Variants in NTAQ1 observed in about 807,000 individuals in gnomAD.
NTAQ1 encodes the protein protein N-terminal glutamine amidohydrolase.
Under a neutral mutation model 28.2 loss-of-function variants are expected in NTAQ1, and 21 were observed. The observed-to-expected ratio is 0.74, with a 90% CI of 0.53 to 1.07. The LOEUF (loss-of-function observed/expected upper bound fraction) is 1.07, where lower values mean the gene tolerates loss of function less well. Ranked by LOEUF, NTAQ1 falls within the 50% of genes least tolerant of loss-of-function variation. The pLI is 0.00. For synonymous variants in NTAQ1, 105 were observed against 90.0 expected (o/e 1.17, Z -0.94); for missense variants, 264 against 256.6 (o/e 1.03, Z -0.20).
intron 1 of NTAQ1, among the ~76,000 whole-genome samples, chr8:123,417,722 CA>C (rs1391947687): frequency 6.6e-6 from 1 of 152,092 alleles, no homozygotes; most frequent in Non-Finnish European, 1.5e-5. Context: ...GTCACTAAAC[CA>C]ATGCCACCAA....
At chr8:123,445,129 A>G (rs1815221371), downstream of NTAQ1, among the ~76,000 whole-genome samples, 1 of 152,190 alleles carries the variant, frequency 6.6e-6, no homozygotes, top group Non-Finnish European at 1.5e-5. Flanking sequence ...GGTGAAAAGT[A>G]AACTTCCCTC....
At chr8:123,429,442 G>A (rs1814261170) in intron 2 of NTAQ1, among the ~76,000 whole-genome samples, 2 of 152,306 alleles carry the variant, frequency 1.3e-5, no homozygotes, top group East Asian at 1.9e-4. Flanking sequence ...AGTGACACGT[G>A]CCTGTAGTCC....
intron 3 of NTAQ1, 136 bp downstream of exon 3, chr8:123,430,169 G>T: frequency 1.9e-6 from 1 of 528,386 alleles, no homozygotes; most frequent in East Asian, 3.2e-5. Flanking sequence ...GACCTTTTGA[G>T]AATAGATGTT....
chr8:123,441,264 T>C, intron 5 of NTAQ1, 42 bp from the exon 6 acceptor site: 1 of 1,532,228 alleles, frequency 6.5e-7, no homozygotes, highest in African/African-American at 1.4e-5. Flanking sequence ...TAAACCAAAA[T>C]TGTGTTTTCA....
chr8:123,463,229 T>G (rs1815880792), intron 6 of NTAQ1, among the ~76,000 whole-genome samples: 1 of 152,222 alleles, frequency 6.6e-6, no homozygotes, highest in South Asian at 2.1e-4. Context: ...TTTATGATGA[T>G]ATTATTATCA....
In NTAQ1 at chr8:123,437,289, A is replaced by C. The variant is rs1250109286; in HGVS notation, c.463A>C (p.Asn155His). The change falls in exon 5 of 6, where the codon AAT becomes CAT. Residue 155 changes from asparagine to histidine, a missense_variant. Physicochemically the swap from Asn to His is moderately conservative, Grantham distance 68 (BLOSUM62 1). Coordinates refer to ENST00000287387, the MANE Select transcript of NTAQ1 (RefSeq NM_018024.3). ...DRSHMKDSSGNWREPPPPYPC... is the reference protein window; with the variant it reads ...DRSHMKDSSGHWREPPPPYPC... ...ATCTCACATGAAAGACTCCAGTGGG[A>C]ATTGGAGAGAGCCTCCGCCGCCATA... The C allele has an allele frequency of 6.2e-7, 1 of 1,614,102 alleles. No homozygotes were observed. The highest frequency in any genetic ancestry group is 1.1e-5 in the South Asian group (1 of 91,070).
intron 6 of NTAQ1, among the ~76,000 whole-genome samples, chr8:123,460,790 T>A (rs1815799946): frequency 6.6e-6 from 1 of 151,998 alleles, no homozygotes; most frequent in South Asian, 2.1e-4. Context: ...GAGGGAAGAA[T>A]GGACTTGGTA....
chr8:123,424,522 G>A lies in NTAQ1; in HGVS notation c.84-3402G>A, dbSNP rs910777956. 3.0e-4 allele frequency among the ~76,000 whole-genome samples: 45 copies of A among 152,244 alleles called. No homozygotes were observed. The East Asian group carries it at 4.5e-3, about 15-fold the overall frequency. The stretch of plus-strand genomic sequence containing the variant: ...CTCCCAGAGTGCTGGGATTACAGGC[G>A]TGAGCTGCTGCGCCTGGCCATTAAT... On this transcript the variant is annotated intron_variant, in intron 1 of 5. Coordinates refer to ENST00000287387, the MANE Select transcript of NTAQ1 (RefSeq NM_018024.3).
At chr8:123,455,751 C>T (rs1238220079) in intron 6 of NTAQ1, among the ~76,000 whole-genome samples, 1 of 152,134 alleles carries the variant, frequency 6.6e-6, no homozygotes, top group Non-Finnish European at 1.5e-5. Context: ...TAGCCAGACT[C>T]ACTCCCACTT....
chr8:123,464,292 T>C (rs1002734590), intron 6 of NTAQ1, among the ~76,000 whole-genome samples: 6 of 152,150 alleles, frequency 3.9e-5, no homozygotes, highest in Non-Finnish European at 8.8e-5. Flanking sequence ...GTGATCACGG[T>C]AACTCCCTTC....
chr8:123,418,971 C>T (rs1161031658), intron 1 of NTAQ1, among the ~76,000 whole-genome samples: 1 of 152,086 alleles, frequency 6.6e-6, no homozygotes, highest in Non-Finnish European at 1.5e-5. Context: ...TGCTAAGTGT[C>T]CTGTAGGGGT....
chr8:123,429,587 A>G (rs1025768011), intron 2 of NTAQ1, among the ~76,000 whole-genome samples: 28 of 152,146 alleles, frequency 1.8e-4, no homozygotes, highest in Admixed American at 1.2e-3. Context: ...TGTCTTGGCC[A>G]GGTGCGGTGG....
At chr8:123,463,697 G>A (rs368511500) in intron 6 of NTAQ1, among the ~76,000 whole-genome samples, 128 of 152,260 alleles carry the variant, frequency 8.4e-4, no homozygotes, top group African/African-American at 2.9e-3. Context: ...AGTTTATTGG[G>A]GGAGTGTTTG....
intron 6 of NTAQ1, chr8:123,466,949 T>C (rs1414427425): frequency 6.6e-6 from 1 of 152,182 alleles, no homozygotes. Context: ...TTTTTAATAG[T>C]ATAATTTTCC....
downstream of NTAQ1, among the ~76,000 whole-genome samples, chr8:123,473,344 G>A (rs533116027): frequency 6.1e-5 from 9 of 146,430 alleles, no homozygotes; most frequent in Admixed American, 4.1e-4. Flanking sequence ...TGCTTAGGCT[G>A]GAGTGCAGTG....
chr8:123,423,531 C>T (rs781495651), intron 1 of NTAQ1, among the ~76,000 whole-genome samples: 3 of 152,004 alleles, frequency 2.0e-5, no homozygotes, highest in South Asian at 4.2e-4. Context: ...CCACCTCAGC[C>T]GAGGCATTGG....
chr8:123,469,864 C>G (rs1200729394), exon 7 of NTAQ1, among the ~76,000 whole-genome samples: 1 of 152,238 alleles, frequency 6.6e-6, no homozygotes, highest in African/African-American at 2.4e-5. Context: ...GAAGCATCAA[C>G]AAACATGTAT....
chr8:123,462,281 C>CT (rs1815844842), intron 6 of NTAQ1, among the ~76,000 whole-genome samples: 1 of 152,148 alleles, frequency 6.6e-6, no homozygotes, highest in South Asian at 2.1e-4. Context: ...CTCCTGACCT[C>CT]TTGTGATCTG....
chr8:123,441,525 C>T lies in NTAQ1; in HGVS notation c.*110C>T. 1.2e-6 allele frequency: 1 copy of T among 842,518 alleles called. No individual in the cohort carries two copies. 52.2% of individuals were successfully genotyped at this position (842,518 alleles called of 1,614,324 possible). On this transcript the variant is annotated 3_prime_UTR_variant, in exon 6 of 6. Coordinates refer to ENST00000287387, the MANE Select transcript of NTAQ1 (RefSeq NM_018024.3). ...ACAGTTGGCTTGGAATTATGTCTTT[C>T]TCTTTTAATTTGATTGAGTGGAAAT...
Sources: allele counts gnomAD v4.1 joint callset (sites outside exome capture counted in the v4.1 genomes callset), GRCh38; gene constraint gnomAD v4.1.1; transcripts MANE v1.5; gene names NCBI Gene and HGNC (gene_info 2026-07-23, HGNC 2026-07-21).